Variants in PRRX1 observed in about 807,000 individuals in gnomAD.
PRRX1 encodes paired mesoderm homeobox protein 1.
In PRRX1, 8 loss-of-function variants were observed where a neutral mutation model predicts 24.0. The observed-to-expected ratio is 0.33, with a 90% CI of 0.20 to 0.60. The LOEUF is 0.60. Among genes scored for constraint, PRRX1 ranks in the 20% least tolerant of loss-of-function variants. The pLI is 0.82. For synonymous variants in PRRX1, 160 were observed against 131.7 expected (o/e 1.22, Z -1.47); for missense variants, 281 against 322.4 (o/e 0.87, Z 0.98).
intron 1 of PRRX1, among the ~76,000 whole-genome samples, chr1:170,712,701 C>G (rs1654788789): frequency 6.6e-6 from 1 of 152,098 alleles, no homozygotes; most frequent in Non-Finnish European, 1.5e-5. Flanking sequence ...GATCCTACTC[C>G]CATTTTATCA....
At chr1:170,735,326 A>G (rs1655569518) in intron 3 of PRRX1, among the ~76,000 whole-genome samples, 1 of 152,216 alleles carries the variant, frequency 6.6e-6, no homozygotes, top group African/African-American at 2.4e-5. Context: ...AGAATGCTGA[A>G]AATGGAGACT....
At chr1:170,695,132 T>C (rs1304401840) in intron 1 of PRRX1, among the ~76,000 whole-genome samples, 1 of 152,168 alleles carries the variant, frequency 6.6e-6, no homozygotes, top group Non-Finnish European at 1.5e-5. Context: ...GATGTTGTTA[T>C]GATTAAATGC....
chr1:170,736,367 T>A lies in PRRX1; in HGVS notation c.*181T>A. 1.3e-6 allele frequency: 1 copy of A among 773,754 alleles called. No individual in the cohort carries two copies. Among genetic ancestry groups the A allele is most frequent in the African/African-American group, 1.8e-5 (1 of 56,808 alleles). 47.9% of individuals were successfully genotyped at this position (773,754 alleles called of 1,614,324 possible). A position where few individuals can be genotyped will look rare whatever the true frequency, so the allele number is the denominator to read the frequency against. On this transcript the variant is annotated 3_prime_UTR_variant, in exon 4 of 4. Coordinates refer to ENST00000239461, the MANE Select transcript of PRRX1 (RefSeq NM_022716.4). ...GGAGAGGAGCAAAATGAAAATTAGT[T>A]AACAAATGTTCCTCCTCCCTCTGGG... is the stretch of plus-strand genomic sequence containing the variant.
intron 2 of PRRX1, among the ~76,000 whole-genome samples, chr1:170,725,603 T>C (rs1349589647): frequency 6.6e-6 from 1 of 152,204 alleles, no homozygotes; most frequent in Non-Finnish European, 1.5e-5. Context: ...AGTCTTCAGG[T>C]TCTCTGCAGG....
At chr1:170,696,122 T>C (rs974685349) in intron 1 of PRRX1, among the ~76,000 whole-genome samples, 6 of 152,198 alleles carry the variant, frequency 3.9e-5, no homozygotes, top group Admixed American at 1.3e-4. Flanking sequence ...TCATTCAAGG[T>C]GCAAGGTAGG....
At chr1:170,695,020 T>C (rs1654120009) in intron 1 of PRRX1, among the ~76,000 whole-genome samples, 6 of 152,156 alleles carry the variant, frequency 3.9e-5, no homozygotes, top group Admixed American at 3.3e-4. Flanking sequence ...TGATCTGACC[T>C]TACTTGTAGT....
chr1:170,702,115 C>T (rs1053103949), intron 1 of PRRX1, among the ~76,000 whole-genome samples: 3 of 152,292 alleles, frequency 2.0e-5, no homozygotes, highest in East Asian at 1.9e-4. Flanking sequence ...CCCGCGCATG[C>T]GCAGTTCACA....
intron 1 of PRRX1, among the ~76,000 whole-genome samples, chr1:170,694,630 C>T (rs566412676): frequency 1.3e-5 from 2 of 152,010 alleles, no homozygotes; most frequent in Admixed American, 6.6e-5. Flanking sequence ...CAGTATTTAC[C>T]GCTGTTTTAA....
At chr1:170,695,185 A>G (rs925393815) in intron 1 of PRRX1, among the ~76,000 whole-genome samples, 1 of 152,200 alleles carries the variant, frequency 6.6e-6, no homozygotes, top group African/African-American at 2.4e-5. Flanking sequence ...AAGGAGCTAG[A>G]GAGGGTGCCC....
chr1:170,668,423 G>T (rs1653026828), intron 1 of PRRX1: 1 of 152,208 alleles, frequency 6.6e-6, no homozygotes. Context: ...GTCATAAAAA[G>T]GTAGACGGAA....
intron 1 of PRRX1, among the ~76,000 whole-genome samples, chr1:170,698,201 C>T (rs1484503978): frequency 6.6e-6 from 1 of 152,032 alleles, no homozygotes; most frequent in African/African-American, 2.4e-5. Context: ...GAGAGAAACT[C>T]CAGGACCATT....
chr1:170,709,534 T>C (rs1356843582), intron 1 of PRRX1, among the ~76,000 whole-genome samples: 1 of 152,168 alleles, frequency 6.6e-6, no homozygotes, highest in Non-Finnish European at 1.5e-5. Flanking sequence ...CTGTCCTCCT[T>C]CCTGGCCCGT....
At chr1:170,709,706 G>C (rs561437802) in intron 1 of PRRX1, among the ~76,000 whole-genome samples, 1 of 152,088 alleles carries the variant, frequency 6.6e-6, no homozygotes, top group Non-Finnish European at 1.5e-5. Context: ...GCATCTCATC[G>C]CTTGGCATGT....
At chr1:170,714,768 C>A (rs544758590) in intron 1 of PRRX1, among the ~76,000 whole-genome samples, 2 of 152,246 alleles carry the variant, frequency 1.3e-5, no homozygotes, top group Admixed American at 1.3e-4. Flanking sequence ...TCTTCTCCAC[C>A]TTCCCTCTAG....
At chr1:170,686,192 A>AC (rs10701518) in intron 1 of PRRX1, among the ~76,000 whole-genome samples, 18 of 152,026 alleles carry the variant, frequency 1.2e-4, no homozygotes, top group Admixed American at 2.0e-4. Flanking sequence ...AAAAAAAAAA[A>AC]AAACAAGTTG....
chr1:170,679,620 C>T (rs746574982), intron 1 of PRRX1, among the ~76,000 whole-genome samples: 3 of 152,182 alleles, frequency 2.0e-5, no homozygotes, highest in Admixed American at 6.5e-5. Context: ...AGGATGGTCT[C>T]GATCTCCTGA....
chr1:170,708,390 G>A (rs1654634255), intron 1 of PRRX1, among the ~76,000 whole-genome samples: 1 of 151,992 alleles, frequency 6.6e-6, no homozygotes, highest in African/African-American at 2.4e-5. Context: ...GCATATCCTT[G>A]GAGAGGAAAT....
chr1:170,726,704 G>A, intron 3 of PRRX1: 1 of 300,844 alleles, frequency 3.3e-6, no homozygotes, highest in Non-Finnish European at 6.2e-6. Flanking sequence ...TGTGCCCAGT[G>A]TTCCTCTTGC....
At position 170,735,967 on chromosome 1, in the gene PRRX1, T is replaced by G; in HGVS notation, c.600-81T>G. 6 of 1,572,500 alleles carry G rather than the reference T, an allele frequency of 3.8e-6. No individual in the cohort carries two copies. In the South Asian group the frequency reaches 6.7e-5, roughly 17 times the overall value. ...CCCCTGCCTGCCCCCATGCTGAGAG[T>G]ACATCCATCTGGGGCACAGACTTGC... On this transcript the variant is annotated intron_variant, in intron 3 of 3. Transcript: ENST00000239461.
Sources: allele counts gnomAD v4.1 joint callset (sites outside exome capture counted in the v4.1 genomes callset), GRCh38; gene constraint gnomAD v4.1.1; transcripts MANE v1.5; gene names NCBI Gene and HGNC (gene_info 2026-07-23, HGNC 2026-07-21).